Variants in ATOX1 observed in about 807,000 individuals in gnomAD.
ATOX1 encodes copper transport protein ATOX1.
In ATOX1, 4 loss-of-function variants were observed where a neutral mutation model predicts 7.3. The observed-to-expected ratio is 0.55, with a 90% CI of 0.27 to 1.25. ATOX1 has a LOEUF of 1.25. Among genes scored for constraint, ATOX1 ranks in the 50% most tolerant of loss-of-function variants. The pLI is 0.12. For missense variants in ATOX1, 68 were observed against 81.6 expected (o/e 0.83, Z 0.64); for synonymous variants, 25 against 28.7 (o/e 0.87, Z 0.41).
Position 151,758,542 on chromosome 5 carries a change from T to C in ATOX1, c.6+4A>G, listed in dbSNP as rs751416453. On this transcript the variant is annotated splice_donor_region_variant and intron_variant, in intron 1 of 3. Coordinates refer to ENST00000313115, the MANE Select transcript of ATOX1 (RefSeq NM_004045.4). ...TGCGTGGCGGGGACGGCGCAACCAC[T>C]CACCGGCATGACTGAGGCAGCGGCG... 5 of 1,455,502 alleles carry C rather than the reference T, an allele frequency of 3.4e-6. No individual in the cohort carries two copies. In the Admixed American group the frequency reaches 1.0e-4, roughly 30 times the overall value. The allele number at this position is 1,455,502 out of a possible 1,614,324, so 90.2% of individuals were successfully genotyped here. A position where few individuals can be genotyped will look rare whatever the true frequency, so the allele number is the denominator to read the frequency against.
intron 1 of ATOX1, chr5:151,754,255 C>T (rs1005216604): frequency 2.0e-5 from 3 of 152,170 alleles, no homozygotes; most frequent in African/African-American, 7.2e-5. Flanking sequence ...CTCATTTTAA[C>T]AAGACACCCA....
chr5:151,746,186 C>A (rs1761876472), intron 3 of ATOX1, 93 bp downstream of exon 3: 1 of 1,201,554 alleles, frequency 8.3e-7, no homozygotes, highest in African/African-American at 1.5e-5. Flanking sequence ...GAGGGCTCTC[C>A]CGCTCCACTC....
intron 2 of ATOX1, among the ~76,000 whole-genome samples, chr5:151,748,072 C>A (rs1276503544): frequency 6.6e-6 from 1 of 152,180 alleles, no homozygotes; most frequent in Non-Finnish European, 1.5e-5. Flanking sequence ...CATGAATTCA[C>A]AGAATGGAAA....
chr5:151,755,068 G>C (rs1761997579), intron 1 of ATOX1, among the ~76,000 whole-genome samples: 1 of 151,156 alleles, frequency 6.6e-6, no homozygotes, highest in Non-Finnish European at 1.5e-5. Flanking sequence ...TGGCAGAGTT[G>C]AGTAGTTGTA....
chr5:151,744,370 G>T (rs535746962), intron 3 of ATOX1: 1 of 152,226 alleles, frequency 6.6e-6, no homozygotes, highest in African/African-American at 2.4e-5. Context: ...CATCACCAAG[G>T]TTTGATTTTT....
At chr5:151,747,036 C>CT (rs963677927) in intron 2 of ATOX1, among the ~76,000 whole-genome samples, 22 of 142,308 alleles carry the variant, frequency 1.5e-4, no homozygotes, top group East Asian at 4.1e-4. Flanking sequence ...GCCCAGCCAC[C>CT]TTTTTTTTTT....
chr5:151,751,902 A>T, intron 1 of ATOX1, 123 bp from the exon 2 acceptor site: 1 of 834,570 alleles, frequency 1.2e-6, no homozygotes, highest in Non-Finnish European at 1.9e-6. Context: ...CCTGGTTGGC[A>T]TCAGACTCAT....
rs28917199 is a variant in ATOX1, at chr5:151,749,328, A to T, written c.82+2376T>A. ...TAGAGAAACCCCGTCTCTACTAAAA[A>T]TACAAAATTAGCCGGGCATGGTGGC... On this transcript the variant is annotated intron_variant, in intron 2 of 3. Coordinates refer to ENST00000313115, the MANE Select transcript of ATOX1 (RefSeq NM_004045.4). 4.7e-3 allele frequency among the ~76,000 whole-genome samples: 710 copies of T among 152,166 alleles called. 12 individuals carry two copies. Among genetic ancestry groups the T allele is most frequent in the African/African-American group, 0.017 (686 of 41,508 alleles).
At chr5:151,745,574 T>C (rs565786007) in intron 3 of ATOX1, 2 of 152,328 alleles carry the variant, frequency 1.3e-5, no homozygotes, top group East Asian at 1.9e-4. Flanking sequence ...CTGGATTACA[T>C]AAAAGTGAAG....
chr5:151,758,018 C>T (rs1022823793), intron 1 of ATOX1, among the ~76,000 whole-genome samples: 1 of 152,200 alleles, frequency 6.6e-6, no homozygotes, highest in East Asian at 1.9e-4. Flanking sequence ...AAAGTGTCTC[C>T]ATTCAGTGTC....
intron 2 of ATOX1, among the ~76,000 whole-genome samples, chr5:151,747,031 G>A (rs990282269): frequency 2.7e-5 from 4 of 150,668 alleles, no homozygotes; most frequent in Admixed American, 6.6e-5. Context: ...ACCGTGCCCA[G>A]CCACCTTTTT....
At chr5:151,755,809 C>CTG (rs1762006410) in intron 1 of ATOX1, among the ~76,000 whole-genome samples, 2 of 152,256 alleles carry the variant, frequency 1.3e-5, no homozygotes, top group South Asian at 4.1e-4. Flanking sequence ...GCTCTACCAC[C>CTG]AGATGCATAA....
chr5:151,757,046 G>A (rs185102019), intron 1 of ATOX1, among the ~76,000 whole-genome samples: 240 of 152,130 alleles, frequency 1.6e-3, no homozygotes, highest in Non-Finnish European at 2.5e-3. Flanking sequence ...CTGTGCTCTC[G>A]GGCATTTGTC....
At chr5:151,753,274 C>T (rs1360944004) in intron 1 of ATOX1, among the ~76,000 whole-genome samples, 1 of 152,222 alleles carries the variant, frequency 6.6e-6, no homozygotes, top group Admixed American at 6.5e-5. Context: ...GCCACTAGGC[C>T]AAGCTGTTCC....
chr5:151,758,411 G>T, intron 1 of ATOX1, 135 bp downstream of exon 1: 2 of 1,314,002 alleles, frequency 1.5e-6, no homozygotes, highest in Non-Finnish European at 2.0e-6. Flanking sequence ...GGGCTGGGTG[G>T]GGTAAGCTAG....
Position 151,751,768 on chromosome 5 carries a change from G to C in ATOX1, c.18C>G (p.Phe6Leu). MPKHE[F>L]SVDMTCGGCA... ...AGCCTCCACAGGTCATGTCCACAGA[G>C]AACTCGTGCTTCTGAAACAAACACA... The change falls in exon 2 of 4, where the codon TTC (phenylalanine) becomes TTG (leucine). Residue 6 changes from phenylalanine (F) to leucine (L), a missense_variant. Phe to Leu is a conservative substitution (Grantham distance 22, BLOSUM62 0). Transcript: ENST00000313115. 6.2e-7 allele frequency: 1 copy of C among 1,607,736 alleles called. No individual in the cohort carries two copies. The highest frequency in any genetic ancestry group is 1.7e-4 in the Middle Eastern group (1 of 6,052).
intron 2 of ATOX1, among the ~76,000 whole-genome samples, chr5:151,750,468 T>G (rs1455961770): frequency 7.3e-6 from 1 of 137,444 alleles, no homozygotes; most frequent in Non-Finnish European, 1.5e-5. Context: ...ATCATGCCAC[T>G]GCACTCCAGC....
At chr5:151,751,650 C>G (rs1761949970) in intron 2 of ATOX1, 54 bp downstream of exon 2, 1 of 1,543,634 alleles carries the variant, frequency 6.5e-7, no homozygotes, top group East Asian at 2.4e-5. Context: ...CCTGCAACAT[C>G]TGCATGCATC....
chr5:151,751,819 G>T (rs1306679403), intron 1 of ATOX1, 40 bp from the exon 2 acceptor site: 3 of 1,569,130 alleles, frequency 1.9e-6, no homozygotes, highest in Non-Finnish European at 8.7e-7. Flanking sequence ...GAGCCCTGTA[G>T]AGTGACCCCC....
Sources: gnomAD v4.1 joint callset for allele counts (sites outside exome capture counted in the v4.1 genomes callset) on GRCh38, gnomAD v4.1.1 for gene constraint, MANE v1.5 for transcripts, NCBI Gene and HGNC (gene_info 2026-07-23, HGNC 2026-07-21) for gene names.